Variants in ERICH1 observed in about 807,000 individuals in gnomAD.
The protein encoded by ERICH1 is glutamate rich 1.
Under a neutral mutation model 39.6 loss-of-function variants are expected in ERICH1, and 56 were observed. That is an observed-to-expected ratio of 1.41 (90% confidence interval 1.14 to 1.77). The LOEUF is 1.77. Ranked by LOEUF, ERICH1 falls within the 40% of genes most tolerant of loss-of-function variation. The probability of loss-of-function intolerance (pLI) is 0.00; values close to 1 mark genes in which losing one functional copy is unlikely to be tolerated. For synonymous variants in ERICH1, 313 were observed against 223.6 expected, an observed-to-expected ratio of 1.40 and a Z score of -3.57; for missense variants, 826 against 575.4, an observed-to-expected ratio of 1.44 and a Z score of -4.45.
chr8:623,523 A>T (rs983796282), intron 3 of ERICH1, among the ~76,000 whole-genome samples: 4 of 152,222 alleles, frequency 2.6e-5, no homozygotes, highest in Admixed American at 2.6e-4. Context: ...GGTATCAATG[A>T]TAAAAATTGT....
intron 2 of ERICH1, among the ~76,000 whole-genome samples, chr8:695,115 C>T (rs934818259): frequency 1.3e-5 from 2 of 152,032 alleles, no homozygotes; most frequent in Non-Finnish European, 2.9e-5. Flanking sequence ...ATTGACCTGG[C>T]TCCTTTCTCC....
At chr8:717,882 G>A (rs191826888) in intron 1 of ERICH1, among the ~76,000 whole-genome samples, 27 of 152,348 alleles carry the variant, frequency 1.8e-4, no homozygotes, top group African/African-American at 5.3e-4. Flanking sequence ...TCCCAGGGAC[G>A]GGGGCAGGCC....
chr8:699,859 GCACAGACCCT>G (rs1811405514), intron 2 of ERICH1, among the ~76,000 whole-genome samples: 10 of 106,400 alleles, frequency 9.4e-5, no homozygotes, highest in Admixed American at 1.1e-4. Flanking sequence ...CCGCACACGC[GCACAGACCCT>G]CACAGGCGCA....
At position 711,741 on chromosome 8, in the gene ERICH1, C is replaced by G. The variant is rs538897656; in HGVS notation, c.169+4120G>C. Reference sequence around the variant, plus strand: ...GTCGATCTCCTGACCTCGTGATCCGCCCATCTTGGCCTCCCAAAGTGCTGG... The same window carrying G: ...GTCGATCTCCTGACCTCGTGATCCGGCCATCTTGGCCTCCCAAAGTGCTGG... On this transcript the variant is annotated intron_variant, in intron 2 of 5. Coordinates refer to ENST00000262109, the MANE Select transcript of ERICH1 (RefSeq NM_207332.3). Among the ~76,000 whole-genome samples, 51 of 152,206 alleles carry G rather than the reference C, an allele frequency of 3.4e-4. 1 individual carries two copies. Among genetic ancestry groups the G allele is most frequent in the Admixed American group, 2.1e-3 (32 of 15,284 alleles).
intron 3 of ERICH1, among the ~76,000 whole-genome samples, chr8:627,545 G>T (rs1201836447): frequency 3.9e-5 from 6 of 152,226 alleles, no homozygotes; most frequent in Non-Finnish European, 7.3e-5. Context: ...AAGCGTCAGT[G>T]CCTTCCCAGA....
intron 5 of ERICH1, among the ~76,000 whole-genome samples, chr8:665,654 A>C (rs1305447045): frequency 6.6e-6 from 1 of 152,210 alleles, no homozygotes; most frequent in Non-Finnish European, 1.5e-5. Context: ...CGGTGGGAGG[A>C]ACACTCAGGG....
chr8:624,889 G>T (rs1357525661), intron 3 of ERICH1, among the ~76,000 whole-genome samples: 2 of 152,008 alleles, frequency 1.3e-5, no homozygotes, highest in African/African-American at 4.8e-5. Flanking sequence ...ACCATGCCTG[G>T]CTAATTTTTT....
At chr8:674,234 A>G (rs1049231627) in intron 3 of ERICH1, among the ~76,000 whole-genome samples, 187 bp from the exon 4 acceptor site, 2 of 151,626 alleles carry the variant, frequency 1.3e-5, no homozygotes, top group African/African-American at 4.9e-5. Context: ...TTAGCAGTAC[A>G]TACACTCACA....
intron 3 of ERICH1, among the ~76,000 whole-genome samples, chr8:681,117 C>T (rs528819181): frequency 6.6e-6 from 1 of 152,308 alleles, no homozygotes; most frequent in East Asian, 1.9e-4. Flanking sequence ...GGCTCTGCCG[C>T]ACCAGCTTGT....
intron 3 of ERICH1, among the ~76,000 whole-genome samples, chr8:688,275 G>GCCCCGGCCCT (rs1807995682): frequency 3.1e-5 from 1 of 32,206 alleles, no homozygotes; most frequent in Admixed American, 4.1e-4. Context: ...AGTTCCGCCC[G>GCCCCGGCCCT]TCCCCGCCCC....
intron 2 of ERICH1, among the ~76,000 whole-genome samples, chr8:714,850 G>C (rs976176224): frequency 6.6e-6 from 1 of 151,828 alleles, no homozygotes; most frequent in Non-Finnish European, 1.5e-5. Context: ...AGGATGTGCT[G>C]TACATAGGTG....
intron 3 of ERICH1, among the ~76,000 whole-genome samples, chr8:617,142 A>C (rs1188100208): frequency 6.6e-6 from 1 of 152,172 alleles, no homozygotes; most frequent in Non-Finnish European, 1.5e-5. Flanking sequence ...ACTGAGAAAG[A>C]AAGAAGGCAG....
intron 3 of ERICH1, among the ~76,000 whole-genome samples, chr8:687,926 G>A (rs1021447917): frequency 6.6e-6 from 1 of 152,090 alleles, no homozygotes; most frequent in African/African-American, 2.4e-5. Flanking sequence ...CAGGTTTCCC[G>A]AGCAGGGTCT....
intron 2 of ERICH1, among the ~76,000 whole-genome samples, chr8:706,799 A>T (rs918096555): frequency 1.3e-5 from 2 of 152,138 alleles, no homozygotes; most frequent in Non-Finnish European, 2.9e-5. Context: ...AAAAAGATAA[A>T]ACTGCACTCT....
intron 1 of ERICH1, among the ~76,000 whole-genome samples, chr8:728,180 C>T (rs1450214097): frequency 6.6e-6 from 1 of 152,222 alleles, no homozygotes; most frequent in African/African-American, 2.4e-5. Context: ...GAGCCAAATC[C>T]CTCACAATGA....
intron 3 of ERICH1, among the ~76,000 whole-genome samples, chr8:638,367 G>T (rs1208621205): frequency 6.6e-6 from 1 of 152,240 alleles, no homozygotes; most frequent in Non-Finnish European, 1.5e-5. Context: ...CACGGGCCAT[G>T]TTCTTCGGAG....
At chr8:651,809 A>G (rs113671030) in intron 3 of ERICH1, among the ~76,000 whole-genome samples, 53 of 152,226 alleles carry the variant, frequency 3.5e-4, no homozygotes, top group Middle Eastern at 6.8e-3. Context: ...CTCTGACATC[A>G]TTGTCAACTC....
intron 3 of ERICH1, among the ~76,000 whole-genome samples, chr8:628,690 A>G (rs1483009087): frequency 6.6e-6 from 1 of 152,230 alleles, no homozygotes; most frequent in Non-Finnish European, 1.5e-5. Context: ...GAGGACGATG[A>G]GATGGGAATA....
chr8:691,957 C>A (rs1585351664), intron 3 of ERICH1, among the ~76,000 whole-genome samples: 1 of 152,340 alleles, frequency 6.6e-6, no homozygotes, highest in Non-Finnish European at 1.5e-5. Context: ...CCATGCTCAA[C>A]AGTCAACCGT....
Sources: gnomAD v4.1 joint callset for allele counts (sites outside exome capture counted in the v4.1 genomes callset) on GRCh38, gnomAD v4.1.1 for gene constraint, MANE v1.5 for transcripts, NCBI Gene and HGNC (gene_info 2026-07-23, HGNC 2026-07-21) for gene names.